The following NKAIN3 variants were observed in gnomAD, a reference collection of about 807,000 sequenced individuals.
NKAIN3 encodes sodium/potassium-transporting ATPase subunit beta-1-interacting protein 3.
In NKAIN3, 25 loss-of-function variants were observed where a neutral mutation model predicts 30.2. That is an observed-to-expected ratio of 0.83 (90% confidence interval 0.60 to 1.16). The LOEUF (loss-of-function observed/expected upper bound fraction) is 1.16. Among genes scored for constraint, NKAIN3 ranks in the 50% most tolerant of loss-of-function variants. The probability of loss-of-function intolerance (pLI) is 0.00; values close to 1 mark genes in which losing one functional copy is unlikely to be tolerated. For synonymous variants in NKAIN3, 91 were observed against 89.6 expected, an observed-to-expected ratio of 1.02 and a Z score of -0.09; for missense variants, 225 against 254.1, an observed-to-expected ratio of 0.89 and a Z score of 0.78.
intron 3 of NKAIN3, among the ~76,000 whole-genome samples, chr8:62,640,885 A>G (rs1386489770): frequency 1.3e-5 from 2 of 152,126 alleles, no homozygotes; most frequent in South Asian, 2.1e-4. Context: ...GCTGAAAACT[A>G]GGGCCAGTTC....
At chr8:62,508,192 C>T (rs2129720082) in intron 1 of NKAIN3, among the ~76,000 whole-genome samples, 1 of 152,266 alleles carries the variant, frequency 6.6e-6, no homozygotes, top group East Asian at 1.9e-4. Context: ...GTGAACCCTC[C>T]CTGCAAATGC....
intron 4 of NKAIN3, chr8:62,863,417 T>A (rs1374675192): frequency 6.4e-7 from 1 of 1,551,986 alleles, no homozygotes; most frequent in Non-Finnish European, 8.8e-7. Context: ...TTTATGTCAG[T>A]ATGAGTAATC....
chr8:62,765,171 C>T (rs1353142810), intron 4 of NKAIN3, among the ~76,000 whole-genome samples: 7 of 135,912 alleles, frequency 5.2e-5, no homozygotes, highest in Non-Finnish European at 7.6e-5. Flanking sequence ...CGTGTGAACC[C>T]GGGAGGCGGA....
chr8:62,916,120 A>G (rs1822094211), intron 4 of NKAIN3, among the ~76,000 whole-genome samples: 1 of 111,440 alleles, frequency 9.0e-6, no homozygotes, highest in Non-Finnish European at 1.8e-5. Flanking sequence ...AAAACCAATA[A>G]TGTGTAAAAA....
chr8:62,287,554 C>T (rs1256100541), intron 1 of NKAIN3, among the ~76,000 whole-genome samples: 5 of 151,964 alleles, frequency 3.3e-5, no homozygotes, highest in African/African-American at 1.2e-4. Context: ...TTCTTGAATT[C>T]TTGCATATAA....
intron 1 of NKAIN3, among the ~76,000 whole-genome samples, chr8:62,418,931 G>A (rs955997260): frequency 2.0e-5 from 3 of 152,092 alleles, no homozygotes; most frequent in African/African-American, 7.2e-5. Context: ...CCCTTAATAT[G>A]TTCTCTAGCA....
At chr8:62,858,005 C>T (rs1485232609) in intron 4 of NKAIN3, among the ~76,000 whole-genome samples, 1 of 151,754 alleles carries the variant, frequency 6.6e-6, no homozygotes, top group Non-Finnish European at 1.5e-5. Context: ...AGGTTGCCAA[C>T]CTTTGGATGG....
chr8:62,803,588 C>T (rs1010695334), intron 4 of NKAIN3, among the ~76,000 whole-genome samples: 1 of 151,856 alleles, frequency 6.6e-6, no homozygotes, highest in African/African-American at 2.4e-5. Context: ...CACAACATAC[C>T]AGAATCTCTG....
intron 3 of NKAIN3, among the ~76,000 whole-genome samples, chr8:62,731,481 T>C (rs1185952131): frequency 6.6e-6 from 1 of 152,152 alleles, no homozygotes; most frequent in African/African-American, 2.4e-5. Flanking sequence ...CAAACTGATA[T>C]AAATACACTA....
intron 4 of NKAIN3, among the ~76,000 whole-genome samples, chr8:62,773,911 A>G (rs1049606835): frequency 2.0e-5 from 3 of 152,206 alleles, no homozygotes; most frequent in Non-Finnish European, 2.9e-5. Context: ...GGTTCAATAT[A>G]AATTTTGCAA....
chr8:62,587,705 A>C (rs771264477), intron 2 of NKAIN3, among the ~76,000 whole-genome samples: 11 of 152,144 alleles, frequency 7.2e-5, no homozygotes, highest in Non-Finnish European at 1.5e-4. Flanking sequence ...TGATTGAATG[A>C]CATGATATAT....
intron 1 of NKAIN3, among the ~76,000 whole-genome samples, chr8:62,386,325 A>G (rs1817424091): frequency 4.6e-5 from 7 of 152,212 alleles, no homozygotes; most frequent in Admixed American, 4.6e-4. Context: ...AAACTAAAAA[A>G]TGTTTAAAAA....
chr8:62,444,735 T>G (rs534946433), intron 1 of NKAIN3, among the ~76,000 whole-genome samples: 1 of 152,168 alleles, frequency 6.6e-6, no homozygotes, highest in Admixed American at 6.5e-5. Context: ...AATAACAAAA[T>G]TGCTGAATCA....
intron 4 of NKAIN3, among the ~76,000 whole-genome samples, chr8:62,910,673 C>G (rs892222509): frequency 6.6e-6 from 1 of 151,904 alleles, no homozygotes. Flanking sequence ...ACTTTCCAGT[C>G]CTCTTACAAC....
chr8:62,890,437 A>G (rs1442670865), intron 4 of NKAIN3, among the ~76,000 whole-genome samples: 1 of 152,202 alleles, frequency 6.6e-6, no homozygotes, highest in South Asian at 2.1e-4. Flanking sequence ...GCAGGTCACA[A>G]TTCTCTGTTC....
At chr8:62,458,628 A>G (rs1393840768) in intron 1 of NKAIN3, among the ~76,000 whole-genome samples, 1 of 152,222 alleles carries the variant, frequency 6.6e-6, no homozygotes, top group Non-Finnish European at 1.5e-5. Flanking sequence ...AACAAAATTC[A>G]TTTGTCAAAT....
intron 4 of NKAIN3, chr8:62,856,008 A>G: frequency 1.5e-6 from 1 of 688,036 alleles, no homozygotes; most frequent in Non-Finnish European, 2.7e-6. Context: ...CTCAGGGCAC[A>G]TGAACAGGGA....
At position 62,319,637 on chromosome 8, in the gene NKAIN3, C is replaced by T. The variant is rs577268846; in HGVS notation, c.54+70510C>T. Among the ~76,000 whole-genome samples the T allele has an allele frequency of 4.0e-4, 61 of 152,118 alleles. 1 individual carries two copies. Among genetic ancestry groups the T allele is most frequent in the Middle Eastern group, 6.8e-3 (2 of 292 alleles). On this transcript the variant is annotated intron_variant, in intron 1 of 6. Coordinates refer to ENST00000623646, the MANE Select transcript of NKAIN3 (RefSeq NM_001304533.3). The stretch of plus-strand genomic sequence containing the variant: ...GTTGTTCAGTTTCCATGTAGTTGAG[C>T]GGTTTTGAGTGAGTTTCTGAATCCT...
intron 1 of NKAIN3, among the ~76,000 whole-genome samples, chr8:62,568,914 C>G (rs1326972673): frequency 6.6e-6 from 1 of 152,174 alleles, no homozygotes; most frequent in African/African-American, 2.4e-5. Flanking sequence ...GACAATCACA[C>G]TTGACATTAA....
Sources: allele counts gnomAD v4.1 joint callset (sites outside exome capture counted in the v4.1 genomes callset), GRCh38; gene constraint gnomAD v4.1.1; transcripts MANE v1.5; gene names NCBI Gene and HGNC (gene_info 2026-07-23, HGNC 2026-07-21).